The following MTHFD1L variants were observed in gnomAD, a reference collection of about 807,000 sequenced individuals.
MTHFD1L encodes methylenetetrahydrofolate dehydrogenase (NADP+ dependent) 1 like.
A neutral mutation model predicts 119.5 loss-of-function variants in MTHFD1L; 81 were observed. That is an observed-to-expected ratio of 0.68 (90% CI 0.57 to 0.82). The LOEUF (loss-of-function observed/expected upper bound fraction) is 0.82, where lower values mean the gene tolerates loss of function less well. MTHFD1L is among the 40% of genes least tolerant of loss of function. The pLI is 0.00. For missense variants in MTHFD1L, 1,125 were observed against 1,253.4 expected, an observed-to-expected ratio of 0.90 and a Z score of 1.55; for synonymous variants, 430 against 475.2, an observed-to-expected ratio of 0.90 and a Z score of 1.24.
At chr6:151,044,338 G>A (rs537582538) in intron 26 of MTHFD1L, among the ~76,000 whole-genome samples, 1 of 145,980 alleles carries the variant, frequency 6.9e-6, no homozygotes, top group African/African-American at 2.5e-5. Context: ...GTCTCACTCT[G>A]TCACCTGGGC....
chr6:150,916,316 T>TTTTC (rs1296875747), intron 8 of MTHFD1L, among the ~76,000 whole-genome samples: 46 of 142,754 alleles, frequency 3.2e-4, no homozygotes, highest in Non-Finnish European at 6.0e-4. Context: ...TTTTTTTTTT[T>TTTTC]TTTCAGATAG....
intron 7 of MTHFD1L, among the ~76,000 whole-genome samples, chr6:150,902,051 A>G (rs147949591): frequency 9.2e-5 from 14 of 152,316 alleles, no homozygotes; most frequent in African/African-American, 3.1e-4. Context: ...TTCAAAACAC[A>G]TTGATAGCAG....
intron 26 of MTHFD1L, among the ~76,000 whole-genome samples, chr6:151,053,618 G>A (rs771487861): frequency 2.0e-5 from 3 of 152,092 alleles, no homozygotes; most frequent in Non-Finnish European, 2.9e-5. Flanking sequence ...TCAGCACTTT[G>A]GGAGGCTGAG....
chr6:151,017,822 C>T (rs1011832121), intron 24 of MTHFD1L, among the ~76,000 whole-genome samples: 4 of 140,566 alleles, frequency 2.8e-5, no homozygotes, highest in Non-Finnish European at 3.0e-5. Context: ...CCTTCAAGAC[C>T]GTGTTTTCTT....
At chr6:150,969,629 A>G (rs143165250) in intron 19 of MTHFD1L, among the ~76,000 whole-genome samples, 60 of 152,302 alleles carry the variant, frequency 3.9e-4, no homozygotes, top group African/African-American at 1.4e-3. Context: ...CAACCTAAAC[A>G]AAGTATGAAG....
At chr6:151,036,921 C>G (rs1319486424) in intron 25 of MTHFD1L, 44 bp from the exon 26 acceptor site, 1 of 1,607,566 alleles carries the variant, frequency 6.2e-7, no homozygotes, top group Non-Finnish European at 8.5e-7. Context: ...GCACAGGAGA[C>G]TAACATCTGT....
At chr6:150,947,177 A>G (rs1583720625) in intron 15 of MTHFD1L, among the ~76,000 whole-genome samples, 2 of 150,574 alleles carry the variant, frequency 1.3e-5, no homozygotes, top group South Asian at 4.2e-4. Flanking sequence ...GGCTCGCTGC[A>G]ACCTCCGCCT....
chr6:151,099,434 C>T (rs1265132727), intron 27 of MTHFD1L: 3 of 856,172 alleles, frequency 3.5e-6, no homozygotes, highest in African/African-American at 1.7e-5. Flanking sequence ...TGAGGCTGGC[C>T]GTGTCTCTGA....
intron 2 of MTHFD1L, 118 bp downstream of exon 2, chr6:150,876,292 T>TG: frequency 1.2e-6 from 1 of 809,280 alleles, no homozygotes; most frequent in South Asian, 2.2e-5. Flanking sequence ...CAGTTGGCAA[T>TG]GCTGTTTTCT....
chr6:151,085,235 A>C (rs1793684817), intron 26 of MTHFD1L, among the ~76,000 whole-genome samples: 1 of 151,984 alleles, frequency 6.6e-6, no homozygotes, highest in Non-Finnish European at 1.5e-5. Flanking sequence ...TTTAATCAGG[A>C]ACAGGCTTTC....
intron 16 of MTHFD1L, among the ~76,000 whole-genome samples, chr6:150,952,049 C>T (rs1017201242): frequency 2.0e-5 from 3 of 152,124 alleles, no homozygotes; most frequent in Non-Finnish European, 2.9e-5. Flanking sequence ...ATCTTTTATA[C>T]CTGGGTCTGG....
At position 150,922,268 on chromosome 6, in the gene MTHFD1L, T is replaced by C. The variant is rs750021177; in HGVS notation, c.1048T>C (p.Cys350Arg). Residue 350 changes from cysteine (C) to arginine (R), a missense_variant, in exon 10 of 28, where the codon TGC becomes CGC. Around this residue, in one of 3 missense-constraint regions of MTHFD1L, gnomAD observed 1,058 missense variants for 1,151.2 expected, o/e 0.92. Transcript: ENST00000367321. ...GCAGCACAGGCGGTGGAGACTTCACTGCTTGAAACTTCAGCCTCTCTCCCC... is the reference window on the plus strand; with the variant it reads ...GCAGCACAGGCGGTGGAGACTTCACCGCTTGAAACTTCAGCCTCTCTCCCC... ...EQQHRRWRLH[C>R]LKLQPLSPVP... 1 of 1,614,080 alleles carries C rather than the reference T, an allele frequency of 6.2e-7. No individual in the cohort carries two copies. Among genetic ancestry groups the C allele is most frequent in the Non-Finnish European group, 8.5e-7 (1 of 1,179,934 alleles).
At chr6:150,907,250 TA>T (rs1482740751) in intron 8 of MTHFD1L, among the ~76,000 whole-genome samples, 2 of 152,236 alleles carry the variant, frequency 1.3e-5, no homozygotes, top group Non-Finnish European at 2.9e-5. Flanking sequence ...TCTGTGGTTA[TA>T]TGACAGTGAC....
intron 20 of MTHFD1L, among the ~76,000 whole-genome samples, chr6:151,009,529 A>G (rs1345713266): frequency 1.4e-5 from 2 of 138,320 alleles, no homozygotes; most frequent in African/African-American, 5.9e-5. Flanking sequence ...GCAAGACACC[A>G]TCTCCAAAAA....
intron 20 of MTHFD1L, among the ~76,000 whole-genome samples, chr6:150,974,840 G>A (rs1391671251): frequency 6.6e-6 from 1 of 151,542 alleles, no homozygotes; most frequent in African/African-American, 2.4e-5. Flanking sequence ...AGGTTCAAGC[G>A]ATCCTCCTAC....
chr6:150,866,488 G>A, intron 1 of MTHFD1L: 3 of 1,318,052 alleles, frequency 2.3e-6, no homozygotes, highest in Non-Finnish European at 2.9e-6. Context: ...CGGGGTTCGG[G>A]AAGGGCAAGC....
At chr6:150,990,617 G>A (rs1340703275) in intron 20 of MTHFD1L, among the ~76,000 whole-genome samples, 2 of 151,562 alleles carry the variant, frequency 1.3e-5, no homozygotes, top group East Asian at 4.0e-4. Flanking sequence ...GCGCCACCAT[G>A]CCCAGCTATT....
intron 6 of MTHFD1L, among the ~76,000 whole-genome samples, chr6:150,886,435 CAAA>C (rs996165446): frequency 8.2e-4 from 57 of 69,656 alleles, no homozygotes; most frequent in African/African-American, 2.3e-3. Flanking sequence ...GACCCTGCCT[CAAA>C]AAAAAAAAAA....
chr6:150,987,231 A>G (rs1435764199), intron 20 of MTHFD1L, among the ~76,000 whole-genome samples: 1 of 152,098 alleles, frequency 6.6e-6, no homozygotes, highest in Non-Finnish European at 1.5e-5. Flanking sequence ...CTATTTATCC[A>G]TTCTTTATAG....
Sources: gnomAD v4.1 joint callset for allele counts (sites outside exome capture counted in the v4.1 genomes callset) on GRCh38, gnomAD v4.1.1 for gene constraint, gnomAD v4.1.1 regional missense constraint, MANE v1.5 for transcripts, NCBI Gene and HGNC (gene_info 2026-07-23, HGNC 2026-07-21) for gene names.